UGT3A1: variants seen among roughly 807,000 people sequenced by gnomAD.
UGT3A1 encodes the protein UDP-glycosyltransferase 3A1.
In UGT3A1, 40 loss-of-function variants were observed where a neutral mutation model predicts 37.6. The observed-to-expected ratio is 1.06, with a 90% CI of 0.83 to 1.38. The LOEUF is 1.38. Ranked by LOEUF, UGT3A1 falls within the 40% of genes most tolerant of loss-of-function variation. The pLI, the probability that UGT3A1 is intolerant of heterozygous loss-of-function variation, is 0.00. For missense variants in UGT3A1, 642 were observed against 634.2 expected (o/e 1.01, Z -0.13); for synonymous variants, 256 against 232.3 (o/e 1.10, Z -0.93).
intron 2 of UGT3A1, among the ~76,000 whole-genome samples, chr5:35,976,323 T>C (rs1001680301): frequency 3.3e-4 from 50 of 152,186 alleles, no homozygotes; most frequent in African/African-American, 1.1e-3. Flanking sequence ...GTTTGCATTA[T>C]AGAAGATCTC....
rs577550232 is a variant in UGT3A1 at position 35,978,673 on chromosome 5, C to T, written c.196+9777G>A. ...GAGATTTGGGTGGGGACACAGCCAA[C>T]CCATATCATTCTGCCACTGGCCACT... On this transcript the variant is annotated intron_variant, in intron 2 of 6. Transcript: ENST00000274278. Among the ~76,000 whole-genome samples, 3 of 152,196 alleles carry T rather than the reference C, an allele frequency of 2.0e-5. No homozygotes were observed. In the South Asian group the frequency reaches 6.2e-4, roughly 32 times the overall value.
intron 4 of UGT3A1, among the ~76,000 whole-genome samples, chr5:35,963,784 A>G (rs927075988): frequency 5.9e-5 from 9 of 152,262 alleles, no homozygotes; most frequent in Admixed American, 5.9e-4. Context: ...TGGCTTGTAC[A>G]TGCTGTGGAC....
At chr5:35,992,604 A>G (rs1213270757), upstream of UGT3A1, among the ~76,000 whole-genome samples, 1 of 152,228 alleles carries the variant, frequency 6.6e-6, no homozygotes, top group Admixed American at 6.5e-5. Flanking sequence ...GCTAAACACA[A>G]TAAGAAATGA....
rs1262491332 is a variant in UGT3A1 at position 35,951,717 on chromosome 5, T to A, written c.*2485A>T. On this transcript the variant is annotated 3_prime_UTR_variant, in exon 7 of 7. Transcript: ENST00000274278. ...TTTTTGTGTCAAATTAATTTACACTTCTCTTGTTGTATCAGGATTTTTTCT... is the reference window on the plus strand; with the variant it reads ...TTTTTGTGTCAAATTAATTTACACTACTCTTGTTGTATCAGGATTTTTTCT... 3 of 152,206 alleles carry A rather than the reference T, an allele frequency of 2.0e-5. No individual in the cohort carries two copies. The highest frequency in any genetic ancestry group is 4.4e-5 in the Non-Finnish European group (3 of 68,028). 9.4% of individuals were successfully genotyped at this position (152,206 alleles called of 1,614,324 possible).
rs370662965 is a variant in UGT3A1 at position 35,967,999 on chromosome 5, A to G, written c.311+20T>C. The G allele has an allele frequency of 6.4e-7, 1 of 1,569,694 alleles. No individual in the cohort carries two copies. Among genetic ancestry groups the G allele is most frequent in the African/African-American group, 1.4e-5 (1 of 74,008 alleles). Reference sequence around the variant, plus strand: ...CACTAAAATAGTGACTCTTTGCTTCATAGAATGAAAAGAAGTTACCTGCCA... The same window carrying G: ...CACTAAAATAGTGACTCTTTGCTTCGTAGAATGAAAAGAAGTTACCTGCCA... On this transcript the variant is annotated intron_variant, in intron 3 of 6. Transcript: ENST00000274278.
At chr5:35,980,842 C>T (rs1380708185) in intron 2 of UGT3A1, among the ~76,000 whole-genome samples, 2 of 152,178 alleles carry the variant, frequency 1.3e-5, no homozygotes, top group Non-Finnish European at 2.9e-5. Flanking sequence ...AGATGTTGTA[C>T]ATTTCACTCC....
intron 1 of UGT3A1, among the ~76,000 whole-genome samples, chr5:35,999,450 C>G (rs1420425491): frequency 6.6e-6 from 1 of 152,080 alleles, no homozygotes; most frequent in Non-Finnish European, 1.5e-5. Context: ...CACTTAAAAA[C>G]ATGTTGAAAG....
At chr5:35,992,122 G>A (rs1740970588), upstream of UGT3A1, among the ~76,000 whole-genome samples, 2 of 152,176 alleles carry the variant, frequency 1.3e-5, no homozygotes, top group Admixed American at 1.3e-4. Flanking sequence ...ATTCTAGACA[G>A]ACAGAGAAAT....
At chr5:35,968,300 A>G (rs777318743) in intron 2 of UGT3A1, among the ~76,000 whole-genome samples, 167 bp from the exon 3 acceptor site, 1 of 152,198 alleles carries the variant, frequency 6.6e-6, no homozygotes, top group Non-Finnish European at 1.5e-5. Flanking sequence ...CAAATGCACA[A>G]CCTGATAATA....
chr5:35,977,267 ATTT>A (rs1740326553), intron 2 of UGT3A1, among the ~76,000 whole-genome samples: 2 of 152,228 alleles, frequency 1.3e-5, no homozygotes, highest in Non-Finnish European at 2.9e-5. Flanking sequence ...AAATAAACAC[ATTT>A]TAGTAACGAA....
At position 35,951,715 on chromosome 5, in the gene UGT3A1, C is replaced by G. The variant is rs1739203544; in HGVS notation, c.*2487G>C. On this transcript the variant is annotated 3_prime_UTR_variant, in exon 7 of 7. Coordinates refer to ENST00000274278, the MANE Select transcript of UGT3A1 (RefSeq NM_152404.4). ...GTTTTTTGTGTCAAATTAATTTACA[C>G]TTCTCTTGTTGTATCAGGATTTTTT... 6.6e-6 allele frequency: 1 copy of G among 152,118 alleles called. No homozygotes were observed. Among genetic ancestry groups the G allele is most frequent in the South Asian group, 2.1e-4 (1 of 4,830 alleles). 9.4% of individuals were successfully genotyped at this position (152,118 alleles called of 1,614,324 possible).
intron 5 of UGT3A1, among the ~76,000 whole-genome samples, chr5:35,956,178 C>T (rs1038661231): frequency 2.6e-5 from 4 of 152,242 alleles, no homozygotes; most frequent in African/African-American, 9.6e-5. Flanking sequence ...CTCATCTCTC[C>T]ATTTACTTCC....
upstream of UGT3A1, among the ~76,000 whole-genome samples, chr5:35,994,631 C>T (rs1474029365): frequency 6.6e-6 from 1 of 152,074 alleles, no homozygotes; most frequent in Non-Finnish European, 1.5e-5. Context: ...AAGGAGCTGA[C>T]CCCTCCCACA....
chr5:35,951,382 A>T lies in UGT3A1; in HGVS notation c.*2820T>A, dbSNP rs1406011853. 4 of 152,068 alleles carry T rather than the reference A, an allele frequency of 2.6e-5. No individual in the cohort carries two copies. The highest frequency in any genetic ancestry group is 5.9e-5 in the Non-Finnish European group (4 of 67,976). The allele number at this position is 152,068 out of a possible 1,614,324, so 9.4% of individuals were successfully genotyped here. A position where few individuals can be genotyped will look rare whatever the true frequency, so the allele number is the denominator to read the frequency against. On this transcript the variant is annotated 3_prime_UTR_variant, in exon 7 of 7. Transcript: ENST00000274278. ...ATATGTATTTTTTTCATTATCCCCC[A>T]TACACATACTTTCCTTTTTCTTATA...
chr5:35,991,279 G>GC lies in UGT3A1; in HGVS notation c.-40dup, dbSNP rs1740942606. ...GAAGCAGCGGATCTCAGCCTGGGCT[G>GC]CGCGCCCTGCGCCGGGCTAAGGACT... On this transcript the variant is annotated 5_prime_UTR_variant, in exon 1 of 7. Transcript: ENST00000274278. 2.5e-6 allele frequency: 4 copies of GC among 1,613,146 alleles called. No individual in the cohort carries two copies. In the East Asian group the frequency reaches 8.9e-5, roughly 36 times the overall value.
intron 2 of UGT3A1, among the ~76,000 whole-genome samples, chr5:35,978,049 A>G (rs902417095): frequency 1.3e-5 from 2 of 152,094 alleles, no homozygotes; most frequent in Non-Finnish European, 2.9e-5. Flanking sequence ...CTTTTTTTCT[A>G]TTTGAGACAG....
intron 4 of UGT3A1, among the ~76,000 whole-genome samples, chr5:35,964,950 T>C (rs1301856402): frequency 1.3e-5 from 2 of 152,234 alleles, no homozygotes; most frequent in Non-Finnish European, 2.9e-5. Flanking sequence ...CAGTTCTTGC[T>C]GTCAGTCCCA....
chr5:35,982,649 T>C (rs563295552), intron 2 of UGT3A1, among the ~76,000 whole-genome samples: 1 of 152,306 alleles, frequency 6.6e-6, no homozygotes, highest in East Asian at 1.9e-4. Flanking sequence ...AGATGAGACT[T>C]TGGACTTGTA....
chr5:35,955,310 AG>A (rs1356089825), intron 6 of UGT3A1: 3 of 504,120 alleles, frequency 6.0e-6, no homozygotes, highest in African/African-American at 1.9e-5. Flanking sequence ...AGAGGTGAGA[AG>A]AGCAGGCACA....
Sources: gnomAD v4.1 joint callset for allele counts (sites outside exome capture counted in the v4.1 genomes callset) on GRCh38, gnomAD v4.1.1 for gene constraint, MANE v1.5 for transcripts, NCBI Gene and HGNC (gene_info 2026-07-23, HGNC 2026-07-21) for gene names.